The following STK31 variants were observed in gnomAD, a reference collection of about 807,000 sequenced individuals.
STK31 encodes serine/threonine-protein kinase 31.
Under a neutral mutation model 129.7 loss-of-function variants are expected in STK31, and 89 were observed. The observed-to-expected ratio is 0.69, with a 90% CI of 0.58 to 0.82. The LOEUF is 0.82. STK31 is among the 40% of genes least tolerant of loss of function. The pLI, the probability that STK31 is intolerant of heterozygous loss-of-function variation, is 0.00. For synonymous variants in STK31, 448 were observed against 395.3 expected, an observed-to-expected ratio of 1.13 and a Z score of -1.58; for missense variants, 1,187 against 1,176.4, an observed-to-expected ratio of 1.01 and a Z score of -0.13.
chr7:23,745,566 G>A (rs1788299470), intron 8 of STK31, among the ~76,000 whole-genome samples: 2 of 152,218 alleles, frequency 1.3e-5, no homozygotes, highest in South Asian at 4.1e-4. Flanking sequence ...GTGAAAATGT[G>A]CAGCAGCTTT....
At chr7:23,796,721 C>T (rs1791982414) in intron 22 of STK31, among the ~76,000 whole-genome samples, 1 of 152,130 alleles carries the variant, frequency 6.6e-6, no homozygotes, top group Admixed American at 6.6e-5. Context: ...GACCTTTTAT[C>T]ACTGTGTTTT....
intron 23 of STK31, among the ~76,000 whole-genome samples, chr7:23,827,427 T>G (rs7784132): frequency 0.76 from 115,590 of 151,798 alleles, 44,614 homozygotes; most frequent in African/African-American, 0.88. Flanking sequence ...GTATTTCTCG[T>G]GCCATGGTTT....
chr7:23,754,248 T>G, intron 9 of STK31, 67 bp from the exon 10 acceptor site: 1 of 1,532,650 alleles, frequency 6.5e-7, no homozygotes, highest in Non-Finnish European at 8.9e-7. Context: ...ACTATTAAAG[T>G]GTAACTTTTT....
Position 23,717,485 on chromosome 7 carries a change from T to C in STK31, c.155T>C (p.Ile52Thr), listed in dbSNP as rs763005784. Reference sequence around the variant, plus strand: ...TACTATATCTAATCTTTCTAGAGTATCAATAGAAATAAGGATATCATGAAG... The same window carrying C: ...TACTATATCTAATCTTTCTAGAGTACCAATAGAAATAAGGATATCATGAAG... The part of the protein sequence containing the change: ...EDAVTFWAQS[I>T]NRNKDIMKIG... The change falls in exon 4 of 24, where the codon ATC (isoleucine) becomes ACC (threonine). Residue 52 changes from isoleucine (I) to threonine (T), a missense_variant. Ile to Thr is a moderately conservative substitution (Grantham distance 89). Coordinates refer to ENST00000355870, the MANE Select transcript of STK31 (RefSeq NM_031414.5). The C allele has an allele frequency of 6.3e-7, 1 of 1,599,384 alleles. No homozygotes were observed. Among genetic ancestry groups the C allele is most frequent in the South Asian group, 1.1e-5 (1 of 90,396 alleles).
chr7:23,727,151 A>G lies in STK31; in HGVS notation c.250-90A>G, dbSNP rs528309261. The G allele has an allele frequency of 2.8e-5, 28 of 991,296 alleles. No individual in the cohort carries two copies. In the African/African-American group the frequency reaches 3.7e-4, roughly 13 times the overall value. The allele number at this position is 991,296 out of a possible 1,614,324, so 61.4% of individuals were successfully genotyped here. A position where few individuals can be genotyped will look rare whatever the true frequency, so the allele number is the denominator to read the frequency against. Reference sequence around the variant, plus strand: ...AGTTATATATAAAGTACTTATTGACATATAGGAAGAGCTTAAATGCTAACC... The same window carrying G: ...AGTTATATATAAAGTACTTATTGACGTATAGGAAGAGCTTAAATGCTAACC... On this transcript the variant is annotated intron_variant, in intron 4 of 23. Transcript: ENST00000355870.
rs79044324 is a variant in STK31 at position 23,814,091 on chromosome 7, C to T, written c.2761-1053C>T. ...TAAATTCAAGAGAAGAATGAATCTA[C>T]CTGGGCTGCTTTCTGTTGCAGGCTT... On this transcript the variant is annotated intron_variant, in intron 22 of 23. Coordinates refer to ENST00000355870, the MANE Select transcript of STK31 (RefSeq NM_031414.5). 4.4e-3 allele frequency among the ~76,000 whole-genome samples: 613 copies of T among 140,910 alleles called. 2 individuals carry two copies. The highest frequency in any genetic ancestry group is 0.015 in the African/African-American group (584 of 37,994). The allele number at this position is 140,910 out of a possible 152,430, so 92.4% of individuals were successfully genotyped here.
chr7:23,809,406 A>G (rs1006786867), intron 22 of STK31, among the ~76,000 whole-genome samples: 16 of 151,970 alleles, frequency 1.1e-4, no homozygotes, highest in Non-Finnish European at 2.1e-4. Flanking sequence ...AGATGATCTT[A>G]CTTCTTATTT....
intron 22 of STK31, among the ~76,000 whole-genome samples, chr7:23,808,228 A>G (rs112495257): frequency 6.6e-6 from 1 of 151,610 alleles, no homozygotes; most frequent in African/African-American, 2.4e-5. Context: ...GGGGTTAGAT[A>G]TGTAGTTCCC....
intron 6 of STK31, among the ~76,000 whole-genome samples, chr7:23,730,532 C>T (rs931289054): frequency 1.1e-4 from 17 of 152,150 alleles, no homozygotes; most frequent in African/African-American, 4.1e-4. Flanking sequence ...GGATTTCTTG[C>T]ATGCATAAAA....
rs1261594410 is a variant in STK31 at position 23,781,505 on chromosome 7, TGAGA to T, written c.2058_2061del (p.Glu687AsnfsTer5). The T allele has an allele frequency of 6.2e-7, 1 of 1,607,118 alleles. No homozygotes were observed. The highest frequency in any genetic ancestry group is 8.5e-7 in the Non-Finnish European group (1 of 1,176,794). On this transcript the variant is annotated frameshift_variant, in exon 16 of 24. Coordinates refer to ENST00000355870, the MANE Select transcript of STK31 (RefSeq NM_031414.5). LOFTEE classifies it high-confidence loss of function. ...ATAATGTCTTTCAGGAAATTTATCA[TGAGA>T]GAGAGGAATATGTAAGTATTTGGTT...
chr7:23,730,878 A>ATATATATATATATTTTTTTTTTT, intron 6 of STK31, among the ~76,000 whole-genome samples: 5 of 59,542 alleles, frequency 8.4e-5, no homozygotes, highest in Non-Finnish European at 1.6e-4. Context: ...ATATATATAT[A>ATATATATATATATTTTTTTTTTT]TTTTTTTTTT....
At chr7:23,801,146 G>GTTTGGCAGAGTT (rs1792342183) in intron 22 of STK31, among the ~76,000 whole-genome samples, 1 of 152,188 alleles carries the variant, frequency 6.6e-6, no homozygotes. Context: ...GTTTTCCAGA[G>GTTTGGCAGAGTT]TGGCTGTACT....
chr7:23,734,605 C>T (rs150855481), intron 6 of STK31, among the ~76,000 whole-genome samples: 6 of 152,274 alleles, frequency 3.9e-5, no homozygotes, highest in East Asian at 3.9e-4. Context: ...TTAGCAAGCA[C>T]CTAATTTCTC....
intron 23 of STK31, among the ~76,000 whole-genome samples, chr7:23,821,739 A>G (rs1793796490): frequency 6.6e-6 from 1 of 152,092 alleles, no homozygotes; most frequent in African/African-American, 2.4e-5. Context: ...GGCCAATGTC[A>G]TGAAGTGTTT....
At chr7:23,783,710 A>C in intron 17 of STK31, 47 bp downstream of exon 17, 1 of 1,413,312 alleles carries the variant, frequency 7.1e-7, no homozygotes, top group South Asian at 1.3e-5. Flanking sequence ...GAGGGTGTTG[A>C]AAAGTGATAA....
chr7:23,809,591 T>C (rs1792958326), intron 22 of STK31, among the ~76,000 whole-genome samples: 1 of 152,146 alleles, frequency 6.6e-6, no homozygotes, highest in Admixed American at 6.5e-5. Flanking sequence ...AAGTGGACCT[T>C]TTATATATGC....
At chr7:23,795,699 G>T (rs1402542699) in intron 22 of STK31, among the ~76,000 whole-genome samples, 1 of 152,238 alleles carries the variant, frequency 6.6e-6, no homozygotes, top group Non-Finnish European at 1.5e-5. Flanking sequence ...AGCTGCCCAA[G>T]GCTGTGGGAG....
chr7:23,828,991 C>T (rs531513347), intron 23 of STK31, among the ~76,000 whole-genome samples: 1 of 152,132 alleles, frequency 6.6e-6, no homozygotes, highest in African/African-American at 2.4e-5. Context: ...CCTCCACCTC[C>T]TGGGTTCAAG....
At chr7:23,775,054 C>T (rs1440888556) in intron 15 of STK31, among the ~76,000 whole-genome samples, 3 of 151,816 alleles carry the variant, frequency 2.0e-5, no homozygotes, top group African/African-American at 7.2e-5. Flanking sequence ...CATTGCTTTC[C>T]CAGTTTTCCC....
Sources: gnomAD v4.1 joint callset for allele counts (sites outside exome capture counted in the v4.1 genomes callset) on GRCh38, gnomAD v4.1.1 for gene constraint, MANE v1.5 for transcripts, NCBI Gene and HGNC (gene_info 2026-07-23, HGNC 2026-07-21) for gene names.